The following BRAF variants were observed in gnomAD, a reference collection of about 807,000 sequenced individuals.
BRAF encodes serine/threonine-protein kinase B-raf.
BRAF carries 16 observed loss-of-function variants against 104.6 expected under a neutral mutation model. The ratio of observed to expected loss-of-function variants is 0.15; its 90% CI spans 0.10 to 0.23. The LOEUF is 0.23. Among genes scored for constraint, BRAF ranks in the 10% least tolerant of loss-of-function variants. The probability of loss-of-function intolerance (pLI) is 1.00; values close to 1 mark genes in which losing one functional copy is unlikely to be tolerated. For missense variants in BRAF, 541 were observed against 937.3 expected, an observed-to-expected ratio of 0.58 and a Z score of 5.52; for synonymous variants, 310 against 341.6, an observed-to-expected ratio of 0.91 and a Z score of 1.02.
At chr7:140,893,603 GACA>G (rs1814525491) in intron 1 of BRAF, among the ~76,000 whole-genome samples, 1 of 151,886 alleles carries the variant, frequency 6.6e-6, no homozygotes, top group South Asian at 2.1e-4. Flanking sequence ...TCTACTCAAA[GACA>G]ACAAGGATGA....
At chr7:140,897,813 T>TA (rs1466768847) in intron 1 of BRAF, among the ~76,000 whole-genome samples, 1 of 152,004 alleles carries the variant, frequency 6.6e-6, no homozygotes, top group African/African-American at 2.4e-5. Flanking sequence ...AAAGATTTCT[T>TA]AAAAAAATCA....
intron 1 of BRAF, among the ~76,000 whole-genome samples, chr7:140,869,059 TGAAGAAG>T (rs1307852237): frequency 5.3e-5 from 8 of 152,110 alleles, no homozygotes; most frequent in Non-Finnish European, 1.2e-4. Flanking sequence ...TCAAAAAGAA[TGAAGAAG>T]GAACACTGAG....
intron 1 of BRAF, among the ~76,000 whole-genome samples, chr7:140,916,514 T>C (rs1188434812): frequency 6.6e-6 from 1 of 152,256 alleles, no homozygotes; most frequent in African/African-American, 2.4e-5. Context: ...AATTGACACT[T>C]TCGGTGACTT....
intron 7 of BRAF, among the ~76,000 whole-genome samples, chr7:140,797,603 G>T (rs1802622839): frequency 6.6e-6 from 1 of 152,130 alleles, no homozygotes; most frequent in South Asian, 2.1e-4. Context: ...ATATATTTCA[G>T]TTCAGTTACC....
rs1367556095 is a variant in BRAF at position 140,722,868 on chromosome 7, T to C, written c.*3626A>G. 1 of 1,054,828 alleles carries C rather than the reference T, an allele frequency of 9.5e-7. No individual in the cohort carries two copies. Among genetic ancestry groups the C allele is most frequent in the African/African-American group, 1.7e-5 (1 of 60,534 alleles). 65.3% of individuals were successfully genotyped at this position (1,054,828 alleles called of 1,614,324 possible). On this transcript the variant is annotated 3_prime_UTR_variant, in exon 20 of 20. Coordinates refer to ENST00000644969, the MANE Select transcript of BRAF (RefSeq NM_001374258.1). ...CTGAAACGTACCCCTAAACCGGTTC[T>C]GGCACCACTTTCAACAACATTCAGA...
intron 5 of BRAF, among the ~76,000 whole-genome samples, chr7:140,802,706 A>G (rs1303595932): frequency 6.6e-6 from 1 of 152,186 alleles, no homozygotes; most frequent in Non-Finnish European, 1.5e-5. Context: ...GTATAGCTAT[A>G]TAATGTTTTT....
chr7:140,897,493 CTTTTTTTTTT>C (rs1177553423), intron 1 of BRAF, among the ~76,000 whole-genome samples: 6 of 105,760 alleles, frequency 5.7e-5, no homozygotes, highest in African/African-American at 2.1e-4. Context: ...TTTCTTTTTT[CTTTTTTTTTT>C]TTTTTTTTTT....
chr7:140,737,657 T>C (rs1325417639), intron 18 of BRAF, among the ~76,000 whole-genome samples: 6 of 152,188 alleles, frequency 3.9e-5, no homozygotes, highest in African/African-American at 1.4e-4. Context: ...ATCTGCTAAT[T>C]TTTTCCTTCT....
At chr7:140,772,018 T>C (rs1051812748) in intron 14 of BRAF, among the ~76,000 whole-genome samples, 17 of 152,090 alleles carry the variant, frequency 1.1e-4, no homozygotes, top group East Asian at 3.9e-4. Context: ...ATGAACAGTA[T>C]TGGAAATAGG....
intron 19 of BRAF, among the ~76,000 whole-genome samples, chr7:140,729,005 T>A (rs549206281): frequency 7.4e-5 from 11 of 148,450 alleles, no homozygotes; most frequent in Middle Eastern, 3.6e-3. Context: ...GCAGGAGGAC[T>A]GCTTGAGCCC....
intron 12 of BRAF, chr7:140,780,978 G>A (rs897997222): frequency 2.0e-5 from 3 of 152,202 alleles, no homozygotes; most frequent in African/African-American, 7.3e-5. Flanking sequence ...CTGTCACCAG[G>A]GTGGAGTGCA....
intron 1 of BRAF, among the ~76,000 whole-genome samples, chr7:140,899,236 A>G (rs562200460): frequency 8.4e-6 from 1 of 118,472 alleles, no homozygotes; most frequent in South Asian, 3.0e-4. Context: ...CCCGGCAGGA[A>G]CTTGTTAAAA....
At chr7:140,862,758 G>T (rs992319763) in intron 1 of BRAF, among the ~76,000 whole-genome samples, 2 of 152,064 alleles carry the variant, frequency 1.3e-5, no homozygotes, top group Non-Finnish European at 2.9e-5. Flanking sequence ...AAATCCAGGG[G>T]TTTCATTTTT....
intron 1 of BRAF, among the ~76,000 whole-genome samples, chr7:140,901,308 C>T (rs1328279683): frequency 6.6e-6 from 1 of 152,192 alleles, no homozygotes; most frequent in Non-Finnish European, 1.5e-5. Context: ...CTAGATACCA[C>T]TACAAGTGGA....
downstream of BRAF, among the ~76,000 whole-genome samples, chr7:140,717,280 C>G (rs936306679): frequency 9.9e-5 from 15 of 151,968 alleles, no homozygotes; most frequent in Non-Finnish European, 2.2e-4. Flanking sequence ...AGGAGTTGGA[C>G]CAGTTTTTTT....
intron 3 of BRAF, among the ~76,000 whole-genome samples, chr7:140,831,779 C>T (rs1806783948): frequency 1.3e-5 from 2 of 152,188 alleles, no homozygotes; most frequent in South Asian, 4.1e-4. Flanking sequence ...TCACAACTAA[C>T]ACACACCTTC....
intron 1 of BRAF, among the ~76,000 whole-genome samples, chr7:140,906,087 CAA>C (rs61150735): frequency 2.1e-3 from 95 of 44,702 alleles, no homozygotes; most frequent in African/African-American, 8.2e-3. Flanking sequence ...GACTCCGTCT[CAA>C]AAAAAAAAAA....
At chr7:140,847,359 G>C (rs1232091952) in intron 2 of BRAF, among the ~76,000 whole-genome samples, 2 of 152,166 alleles carry the variant, frequency 1.3e-5, no homozygotes, top group African/African-American at 4.8e-5. Flanking sequence ...AAGGGGGGCA[G>C]ATCACCTGAG....
intron 7 of BRAF, among the ~76,000 whole-genome samples, chr7:140,797,269 G>A (rs566794549): frequency 3.9e-5 from 6 of 152,252 alleles, no homozygotes; most frequent in African/African-American, 7.2e-5. Flanking sequence ...CTGGTGATAC[G>A]TACATTTTAA....
Sources: gnomAD v4.1 joint callset for allele counts (sites outside exome capture counted in the v4.1 genomes callset) on GRCh38, gnomAD v4.1.1 for gene constraint, MANE v1.5 for transcripts, NCBI Gene and HGNC (gene_info 2026-07-23, HGNC 2026-07-21) for gene names.